TFB1M: variants seen among roughly 807,000 people sequenced by gnomAD.
TFB1M encodes transcription factor B1, mitochondrial, also known as dimethyladenosine transferase 1, mitochondrial.
A neutral mutation model predicts 31.1 loss-of-function variants in TFB1M; 27 were observed. The ratio of observed to expected loss-of-function variants is 0.87; its 90% confidence interval spans 0.64 to 1.20. The LOEUF (loss-of-function observed/expected upper bound fraction) is 1.20, where lower values mean the gene tolerates loss of function less well. TFB1M is among the 50% of genes most tolerant of loss of function. TFB1M has a pLI of 0.00. For synonymous variants in TFB1M, 166 were observed against 151.8 expected (o/e 1.09, Z -0.69); for missense variants, 394 against 418.7 (o/e 0.94, Z 0.51).
At chr6:155,254,226 A>T, downstream of TFB1M, 1 of 993,244 alleles carries the variant, frequency 1.0e-6, no homozygotes, top group Middle Eastern at 3.0e-4. Context: ...ATGTTGATTA[A>T]ATAAATATCA....
chr6:155,249,721 A>G, the TFB1M span: 1 of 660,902 alleles, frequency 1.5e-6, no homozygotes, highest in Non-Finnish European at 2.5e-6. Context: ...CTTATTCTGA[A>G]TGTAATGCTC....
chr6:155,248,053 C>A, the TFB1M span: 2 of 1,614,234 alleles, frequency 1.2e-6, no homozygotes, highest in Non-Finnish European at 1.7e-6. Context: ...CCCCACCAAG[C>A]AGCATTCCTC....
At chr6:155,242,910 T>TC in the TFB1M span, among the ~76,000 whole-genome samples, 2 of 124,770 alleles carry the variant, frequency 1.6e-5, no homozygotes, top group Admixed American at 1.5e-4. Context: ...TATTTTTTTT[T>TC]TTTCTTTTTT....
chr6:155,275,765 T>G, intron 5 of TFB1M: 2 of 1,614,136 alleles, frequency 1.2e-6, no homozygotes, highest in South Asian at 2.2e-5. Flanking sequence ...CCTGGCCTTA[T>G]CTGGGGTCTC....
At position 155,257,238 on chromosome 6, in the gene TFB1M, A is replaced by ATACATTTT; in HGVS notation, c.*590_*597dup. The ATACATTTT allele has an allele frequency of 8.7e-7, 1 of 1,150,446 alleles. No homozygotes were observed. Among genetic ancestry groups the ATACATTTT allele is most frequent in the Non-Finnish European group, 1.2e-6 (1 of 829,904 alleles). 71.3% of individuals were successfully genotyped at this position (1,150,446 alleles called of 1,614,324 possible). A position where few individuals can be genotyped will look rare whatever the true frequency, so the allele number is the denominator to read the frequency against. ...TGTTCATTCCTGGGTTTTGTGCAGTATACATTTTCCCACAAAATGGTTGTA... is the reference window on the plus strand; with the variant it reads ...TGTTCATTCCTGGGTTTTGTGCAGTATACATTTTTACATTTTCCCACAAAATGGTTGTA... On this transcript the variant is annotated 3_prime_UTR_variant, in exon 7 of 7. Transcript: ENST00000367166.
At chr6:155,248,048 C>T in the TFB1M span, 12 of 1,614,126 alleles carry the variant, frequency 7.4e-6, no homozygotes, top group African/African-American at 2.7e-5. Flanking sequence ...CGGAACCCCA[C>T]CAAGCAGCAT....
At chr6:155,254,519 T>C (rs777101702), downstream of TFB1M, 8 of 1,614,172 alleles carry the variant, frequency 5.0e-6, no homozygotes, top group Middle Eastern at 1.6e-4. Flanking sequence ...GGAGAAAACG[T>C]GTAAGGATCG....
chr6:155,245,755 GTTT>G, the TFB1M span: 22 of 1,022,052 alleles, frequency 2.2e-5, no homozygotes, highest in Middle Eastern at 2.6e-4. Context: ...GCCTTTTATA[GTTT>G]TTTTTTTTTT....
At chr6:155,266,902 T>C (rs1784667907) in intron 5 of TFB1M, among the ~76,000 whole-genome samples, 1 of 142,158 alleles carries the variant, frequency 7.0e-6, no homozygotes, top group Non-Finnish European at 1.5e-5. Context: ...TTCTGGAAAG[T>C]GAGACATTAA....
the TFB1M span, among the ~76,000 whole-genome samples, chr6:155,233,625 TAAGATAAAATCATTTTCAAGC>T: frequency 7.9e-5 from 12 of 152,278 alleles, no homozygotes; most frequent in African/African-American, 2.9e-4. Flanking sequence ...CATCTATAAA[TAAGATAAAATCATTTTCAAGC>T]AGGGATCAAC....
At position 155,260,412 on chromosome 6, in the gene TFB1M, G is replaced by C; in HGVS notation, c.667-12C>G. On this transcript the variant is annotated splice_polypyrimidine_tract_variant and intron_variant, in intron 5 of 6. Transcript: ENST00000367166. ...ACGCCCACGTCCACCTTCGTTGTAA[G>C]CAAACATATTATCATTCTGTGGCAT... The C allele has an allele frequency of 1.2e-6, 2 of 1,614,166 alleles. No individual in the cohort carries two copies. Among genetic ancestry groups the C allele is most frequent in the Non-Finnish European group, 1.7e-6 (2 of 1,180,026 alleles).
At chr6:155,309,580 G>C (rs1218456550) in intron 2 of TFB1M, among the ~76,000 whole-genome samples, 1 of 152,108 alleles carries the variant, frequency 6.6e-6, no homozygotes, top group African/African-American at 2.4e-5. Flanking sequence ...GAATATGTGG[G>C]AATGAATGGA....
chr6:155,294,837 T>C (rs533059221), intron 4 of TFB1M, among the ~76,000 whole-genome samples: 1 of 152,288 alleles, frequency 6.6e-6, no homozygotes, highest in African/African-American at 2.4e-5. Flanking sequence ...ACTGACACAG[T>C]ATGGGATGTT....
At chr6:155,251,214 C>CTGCAT (rs1300343240), downstream of TFB1M, among the ~76,000 whole-genome samples, 1 of 152,240 alleles carries the variant, frequency 6.6e-6, no homozygotes, top group Non-Finnish European at 1.5e-5. Flanking sequence ...ATCTTGTTCT[C>CTGCAT]CCTTCTGCTG....
chr6:155,300,761 T>C (rs1301516567), intron 2 of TFB1M, among the ~76,000 whole-genome samples: 1 of 152,118 alleles, frequency 6.6e-6, no homozygotes, highest in Non-Finnish European at 1.5e-5. Context: ...TAATATAATA[T>C]AAATAAATTT....
At chr6:155,297,169 G>A in intron 3 of TFB1M, 65 bp from the exon 4 acceptor site, 1 of 1,539,814 alleles carries the variant, frequency 6.5e-7, no homozygotes, top group South Asian at 1.1e-5. Flanking sequence ...CAATTTCAGT[G>A]ACGAGTAAAA....
At chr6:155,240,697 G>A in the TFB1M span, 7 of 1,611,922 alleles carry the variant, frequency 4.3e-6, no homozygotes, top group South Asian at 7.7e-5. Flanking sequence ...ACACAGAGAA[G>A]TCCTACGTGA....
At chr6:155,292,573 GAAC>G (rs1053498967) in intron 4 of TFB1M, among the ~76,000 whole-genome samples, 5 of 151,946 alleles carry the variant, frequency 3.3e-5, no homozygotes, top group Admixed American at 6.5e-5. Flanking sequence ...GGATCCACCA[GAAC>G]AATAAAAGCC....
At chr6:155,285,780 T>C (rs1207627120) in intron 4 of TFB1M, among the ~76,000 whole-genome samples, 1 of 152,216 alleles carries the variant, frequency 6.6e-6, no homozygotes, top group Non-Finnish European at 1.5e-5. Flanking sequence ...TCTTGACAAA[T>C]AATTTTTGTA....
Sources: allele counts gnomAD v4.1 joint callset (sites outside exome capture counted in the v4.1 genomes callset), GRCh38; gene constraint gnomAD v4.1.1; transcripts MANE v1.5; gene names NCBI Gene and HGNC (gene_info 2026-07-23, HGNC 2026-07-21).